Variants in PPP4R1 observed in about 807,000 individuals in gnomAD.
PPP4R1 encodes the protein serine/threonine-protein phosphatase 4 regulatory subunit 1.
In PPP4R1, 42 loss-of-function variants were observed where a neutral mutation model predicts 111.2. That is an observed-to-expected ratio of 0.38 (90% CI 0.29 to 0.49). PPP4R1 has a LOEUF of 0.49. Ranked by LOEUF, PPP4R1 falls within the 20% of genes least tolerant of loss-of-function variation. PPP4R1 has a pLI of 0.97. For synonymous variants in PPP4R1, 409 were observed against 405.5 expected (o/e 1.01, Z -0.10); for missense variants, 1,012 against 1,161.6 (o/e 0.87, Z 1.87).
In PPP4R1 at chr18:9,570,293, T is replaced by C. The variant is rs754409026; in HGVS notation, c.1437A>G (p.Lys479=). Residue 479 remains lysine, a synonymous_variant, in exon 11 of 20, where the codon AAA becomes AAG. Transcript: ENST00000400556. Reference sequence around the variant, plus strand: ...CTTCCTCTGGTCCCTCTGGGCTGGGTTTTCCCCCAGAGTTCTGTTCAAGCT... The same window carrying C: ...CTTCCTCTGGTCCCTCTGGGCTGGGCTTTCCCCCAGAGTTCTGTTCAAGCT... ...DIELEQNSGG[K]PSPEGPEEES... 3 of 1,612,020 alleles carry C rather than the reference T, an allele frequency of 1.9e-6. No homozygotes were observed. Among genetic ancestry groups the C allele is most frequent in the South Asian group, 1.1e-5 (1 of 90,690 alleles).
chr18:9,583,088 T>C lies in PPP4R1; in HGVS notation c.918+29A>G, dbSNP rs773170990. The stretch of plus-strand genomic sequence containing the variant: ...CTTTAAAACGGACACAAATGTATTA[T>C]TTTACAAAAGTGATAATCAAAACCC... On this transcript the variant is annotated intron_variant, in intron 9 of 19. Coordinates refer to ENST00000400556, the MANE Select transcript of PPP4R1 (RefSeq NM_001042388.3). 35 of 1,553,860 alleles carry C rather than the reference T, an allele frequency of 2.3e-5. No individual in the cohort carries two copies. In the South Asian group the frequency reaches 4.1e-4, roughly 18 times the overall value.
chr18:9,601,360 C>T (rs1350876068), intron 2 of PPP4R1, among the ~76,000 whole-genome samples: 1 of 151,878 alleles, frequency 6.6e-6, no homozygotes, highest in Admixed American at 6.5e-5. Flanking sequence ...CCCTTCTCTA[C>T]TAAAAATACA....
At chr18:9,566,207 G>A (rs765229476) in intron 11 of PPP4R1, among the ~76,000 whole-genome samples, 10 of 151,316 alleles carry the variant, frequency 6.6e-5, no homozygotes, top group South Asian at 2.1e-4. Context: ...CACCTCGCCC[G>A]GCCCAGATTT....
At chr18:9,585,253 A>G (rs1053118285) in intron 6 of PPP4R1, among the ~76,000 whole-genome samples, 1 of 152,220 alleles carries the variant, frequency 6.6e-6, no homozygotes, top group Non-Finnish European at 1.5e-5. Context: ...ATCTAGATTT[A>G]GCATATCTGT....
At chr18:9,558,222 C>T (rs75694223) in intron 14 of PPP4R1, among the ~76,000 whole-genome samples, 7,051 of 152,066 alleles carry the variant, frequency 0.046, 428 homozygotes, top group African/African-American at 0.13. Flanking sequence ...TAAAATTTTA[C>T]GCCCAAGTTC....
intron 4 of PPP4R1, among the ~76,000 whole-genome samples, chr18:9,589,525 T>C (rs966674190): frequency 6.6e-6 from 1 of 152,102 alleles, no homozygotes; most frequent in African/African-American, 2.4e-5. Context: ...AGATCAAAAG[T>C]ACTAAAAGAT....
chr18:9,597,850 GC>G (rs1413455239), intron 2 of PPP4R1, among the ~76,000 whole-genome samples: 1 of 151,808 alleles, frequency 6.6e-6, no homozygotes, highest in Non-Finnish European at 1.5e-5. Context: ...AAACCATGAG[GC>G]AAAAAATTCT....
At chr18:9,599,203 A>G (rs1347238490) in intron 2 of PPP4R1, among the ~76,000 whole-genome samples, 2 of 152,204 alleles carry the variant, frequency 1.3e-5, no homozygotes, top group Non-Finnish European at 2.9e-5. Flanking sequence ...ATAATAGCAC[A>G]AAGGCAGGAA....
intron 4 of PPP4R1, among the ~76,000 whole-genome samples, chr18:9,591,557 T>A (rs1175579212): frequency 6.6e-6 from 1 of 152,196 alleles, no homozygotes; most frequent in East Asian, 1.9e-4. Flanking sequence ...CGAAAGGTTC[T>A]CAGCTGCTTA....
At position 9,614,378 on chromosome 18, in the gene PPP4R1, G is replaced by A. The variant is rs1598977324; in HGVS notation, c.7+100C>T. On this transcript the variant is annotated intron_variant, in intron 1 of 19. Coordinates refer to ENST00000400556, the MANE Select transcript of PPP4R1 (RefSeq NM_001042388.3). This position sits in a 1 kb window ranked among gnomAD's most constrained non-coding sequence, Gnocchi z 4.1. ...CCCCGGGGGCGCCTTCCCGCGCCGGGACCCCACGCCGGCCCCGGCCCGGCA... is the reference window on the plus strand; with the variant it reads ...CCCCGGGGGCGCCTTCCCGCGCCGGAACCCCACGCCGGCCCCGGCCCGGCA... 5.9e-6 allele frequency: 6 copies of A among 1,020,118 alleles called. No individual in the cohort carries two copies. Among genetic ancestry groups the A allele is most frequent in the South Asian group, 4.6e-5 (1 of 21,978 alleles). The allele number at this position is 1,020,118 out of a possible 1,614,324, so 63.2% of individuals were successfully genotyped here. A position where few individuals can be genotyped will look rare whatever the true frequency, so the allele number is the denominator to read the frequency against.
intron 10 of PPP4R1, among the ~76,000 whole-genome samples, chr18:9,573,110 T>A (rs943083715): frequency 4.6e-5 from 7 of 152,206 alleles, no homozygotes; most frequent in Non-Finnish European, 7.3e-5. Context: ...AATAAATGTG[T>A]CTTCTACATG....
chr18:9,563,613 GTT>G (rs2066714282), intron 11 of PPP4R1, 63 bp from the exon 12 acceptor site: 1 of 1,410,144 alleles, frequency 7.1e-7, no homozygotes, highest in Non-Finnish European at 9.6e-7. Flanking sequence ...TTACAAGGCT[GTT>G]CTCCATTTGC....
intron 4 of PPP4R1, among the ~76,000 whole-genome samples, chr18:9,591,819 C>T (rs2067216461): frequency 6.6e-6 from 1 of 152,176 alleles, no homozygotes; most frequent in South Asian, 2.1e-4. Flanking sequence ...GTAATCTCAG[C>T]ACTTTGGGAG....
chr18:9,593,987 G>T, intron 3 of PPP4R1, 113 bp from the exon 4 acceptor site: 1 of 775,702 alleles, frequency 1.3e-6, no homozygotes, highest in Non-Finnish European at 2.1e-6. Context: ...GAGTGTAATG[G>T]TGTGATCACG....
At position 9,605,964 on chromosome 18, in the gene PPP4R1, G is replaced by A. The variant is rs118062882; in HGVS notation, c.52+8262C>T. 2.2e-3 allele frequency among the ~76,000 whole-genome samples: 335 copies of A among 152,266 alleles called. 4 individuals are homozygous for A. The South Asian group carries it at 0.024, about 11-fold the overall frequency. On this transcript the variant is annotated intron_variant, in intron 2 of 19. Coordinates refer to ENST00000400556, the MANE Select transcript of PPP4R1 (RefSeq NM_001042388.3). ...GTACATAACTGTATAGAGAAGTAAC[G>A]AGCAAACTGGCAAAATGTTAACAGC...
Position 9,588,735 on chromosome 18 carries a change from T to C in PPP4R1, c.414A>G (p.Arg138=). The change falls in exon 5 of 20, where the codon AGA becomes AGG. Residue 138 remains arginine, a synonymous_variant. Coordinates refer to ENST00000400556, the MANE Select transcript of PPP4R1 (RefSeq NM_001042388.3). The part of the protein sequence containing the change: ...FSKFLLPIVV[R]YLADQNNQVR... ...CCTGATTATTCTGATCTGCAAGGTATCTAACCACAATAGGTAGTAAGAATT... is the reference window on the plus strand; with the variant it reads ...CCTGATTATTCTGATCTGCAAGGTACCTAACCACAATAGGTAGTAAGAATT... 1 of 1,612,678 alleles carries C rather than the reference T, an allele frequency of 6.2e-7. No individual in the cohort carries two copies. Among genetic ancestry groups the C allele is most frequent in the East Asian group, 2.2e-5 (1 of 44,868 alleles).
chr18:9,588,995 T>C, intron 4 of PPP4R1, 142 bp from the exon 5 acceptor site: 1 of 1,024,566 alleles, frequency 9.8e-7, no homozygotes, highest in Non-Finnish European at 1.4e-6. Flanking sequence ...TAATTCTGCA[T>C]TCCTTTTCAG....
At chr18:9,563,616 C>G (rs2066714377) in intron 11 of PPP4R1, 66 bp from the exon 12 acceptor site, 6 of 1,402,780 alleles carry the variant, frequency 4.3e-6, no homozygotes, top group Non-Finnish European at 5.8e-6. Flanking sequence ...CAAGGCTGTT[C>G]TCCATTTGCA....
chr18:9,600,249 C>A (rs1368832002), intron 2 of PPP4R1, among the ~76,000 whole-genome samples: 4 of 140,170 alleles, frequency 2.9e-5, no homozygotes, highest in African/African-American at 1.1e-4. Flanking sequence ...CTCTGAAACA[C>A]ACTAGAAGGT....
Sources: allele counts gnomAD v4.1 joint callset (sites outside exome capture counted in the v4.1 genomes callset), GRCh38; gene constraint gnomAD v4.1.1; non-coding constraint Gnocchi (gnomAD v3.1); transcripts MANE v1.5; gene names NCBI Gene and HGNC (gene_info 2026-07-23, HGNC 2026-07-21).